The following ABCG8 variants were observed in gnomAD, a reference collection of about 807,000 sequenced individuals.
The protein encoded by ABCG8 is ATP binding cassette subfamily G member 8.
ABCG8 carries 81 observed loss-of-function variants against 71.3 expected under a neutral mutation model. The observed-to-expected ratio is 1.14, with a 90% CI of 0.95 to 1.37. ABCG8 has a LOEUF of 1.37. Ranked by LOEUF, ABCG8 falls within the 40% of genes most tolerant of loss-of-function variation. The probability of loss-of-function intolerance (pLI) is 0.00; values close to 1 mark genes in which losing one functional copy is unlikely to be tolerated. For synonymous variants in ABCG8, 451 were observed against 354.7 expected (o/e 1.27, Z -3.05); for missense variants, 1,119 against 866.2 (o/e 1.29, Z -3.66).
chr2:43,851,816 CA>C lies in ABCG8; in HGVS notation c.559del (p.Arg187GlyfsTer5). ...PRTFSQAQRD[K>X]RVEDVIAELR... Reference sequence around the variant, plus strand: ...GAACCTTCTCCCAGGCCCAGCGTGACAAAAGGGTAACTAACTGGCCCCAGTG... The same window carrying C: ...GAACCTTCTCCCAGGCCCAGCGTGACAAAGGGTAACTAACTGGCCCCAGTG... On this transcript the variant is annotated frameshift_variant, in exon 4 of 13. Coordinates refer to ENST00000272286, the MANE Select transcript of ABCG8 (RefSeq NM_022437.3). LOFTEE classifies it high-confidence loss of function. 6.2e-7 allele frequency: 1 copy of C among 1,614,178 alleles called. No homozygotes were observed. The highest frequency in any genetic ancestry group is 8.5e-7 in the Non-Finnish European group (1 of 1,180,034).
intron 1 of ABCG8, 118 bp downstream of exon 1, chr2:43,839,234 G>C (rs1363767560): frequency 8.9e-7 from 1 of 1,124,868 alleles, no homozygotes; most frequent in Non-Finnish European, 1.3e-6. Flanking sequence ...AGCAGTGTGA[G>C]GACATGGCCG....
intron 6 of ABCG8, among the ~76,000 whole-genome samples, chr2:43,867,589 C>A (rs1669575573): frequency 6.6e-6 from 1 of 152,002 alleles, no homozygotes; most frequent in African/African-American, 2.4e-5. Flanking sequence ...CTGGATAGAG[C>A]TCTCACTGTC....
At chr2:43,874,323 A>G in intron 9 of ABCG8, 84 bp from the exon 10 acceptor site, 1 of 1,168,244 alleles carries the variant, frequency 8.6e-7, no homozygotes. Flanking sequence ...ACTACTTTGA[A>G]TTGTATTAAG....
intron 2 of ABCG8, among the ~76,000 whole-genome samples, chr2:43,845,006 T>G (rs4953022): frequency 0.36 from 54,249 of 151,240 alleles, 11,170 homozygotes; most frequent in East Asian, 0.86. Flanking sequence ...AGTATAATTA[T>G]GAACACTAAG....
At chr2:43,840,346 A>G (rs144187920) in intron 1 of ABCG8, among the ~76,000 whole-genome samples, 2 of 152,346 alleles carry the variant, frequency 1.3e-5, no homozygotes, top group Admixed American at 6.5e-5. Flanking sequence ...TAAAGCCTGA[A>G]TAGAATAGAA....
chr2:43,862,094 A>T (rs1209665970), intron 6 of ABCG8, among the ~76,000 whole-genome samples: 1 of 148,824 alleles, frequency 6.7e-6, no homozygotes, highest in Non-Finnish European at 1.5e-5. Flanking sequence ...CTTGGTAAAA[A>T]TCTCACTATC....
intron 8 of ABCG8, among the ~76,000 whole-genome samples, chr2:43,873,484 G>A (rs143032849): frequency 1.5e-3 from 222 of 152,168 alleles, no homozygotes; most frequent in Admixed American, 4.0e-3. Flanking sequence ...GAGCCACCAC[G>A]CCCAGCCTGT....
chr2:43,854,939 T>C (rs932827807), intron 6 of ABCG8, among the ~76,000 whole-genome samples: 5 of 152,202 alleles, frequency 3.3e-5, no homozygotes, highest in Non-Finnish European at 5.9e-5. Context: ...AGATTGGGTC[T>C]ACAGCCAAGT....
chr2:43,873,750 GCT>G (rs1305403510), intron 8 of ABCG8, 35 bp from the exon 9 acceptor site: 1 of 1,606,716 alleles, frequency 6.2e-7, no homozygotes, highest in Non-Finnish European at 8.5e-7. Flanking sequence ...GCTGGTGTAT[GCT>G]GTTGCCTCAG....
chr2:43,877,783 G>A lies in ABCG8; in HGVS notation c.1892G>A (p.Ser631Asn). 1 of 1,614,138 alleles carries A rather than the reference G, an allele frequency of 6.2e-7. No homozygotes were observed. Among genetic ancestry groups the A allele is most frequent in the Non-Finnish European group, 8.5e-7 (1 of 1,180,032 alleles). ...GCATGTCTGTGTCTCCAGATCCTCAGTGTCATGGAGCTGGACTCGTACCCT... is the reference window on the plus strand; with the variant it reads ...GCATGTCTGTGTCTCCAGATCCTCAATGTCATGGAGCTGGACTCGTACCCT... ...TIAVSGDKILSVMELDSYPLY... is the reference protein window; with the variant it reads ...TIAVSGDKILNVMELDSYPLY... Residue 631 changes from serine to asparagine, a missense_variant, in exon 13 of 13, where the codon AGT becomes AAT. By Grantham distance (46) the Ser-to-Asn change is conservative (BLOSUM62 1). Transcript: ENST00000272286.
At chr2:43,860,438 G>A (rs1669270812) in intron 6 of ABCG8, among the ~76,000 whole-genome samples, 1 of 151,092 alleles carries the variant, frequency 6.6e-6, no homozygotes, top group Non-Finnish European at 1.5e-5. Context: ...TCACTATCTG[G>A]ATAGAATTCT....
In ABCG8 at chr2:43,852,694, C is replaced by T. The variant is rs1174089693; in HGVS notation, c.790C>T (p.Leu264=). 1.2e-6 allele frequency: 2 copies of T among 1,614,172 alleles called. No homozygotes were observed. Among genetic ancestry groups the T allele is most frequent in the Admixed American group, 3.3e-5 (2 of 59,990 alleles). The part of the protein sequence containing the change: ...TLSRLAKGNR[L]VLISLHQPRS... ...GTCCAGGCTGGCCAAAGGCAACCGG[C>T]TGGTGCTCATCTCCCTCCACCAGCC... is the stretch of plus-strand genomic sequence containing the variant. The change falls in exon 6 of 13, where the codon CTG becomes TTG. Residue 264 remains leucine, a synonymous_variant. Transcript: ENST00000272286.
At chr2:43,870,547 ATCTG>A (rs1167583873) in intron 6 of ABCG8, among the ~76,000 whole-genome samples, 2 of 149,744 alleles carry the variant, frequency 1.3e-5, no homozygotes, top group African/African-American at 2.5e-5. Flanking sequence ...AACTCTCACT[ATCTG>A]TCTGGGTAGA....
rs780422381 is a variant in ABCG8 at position 43,852,825 on chromosome 2, C to T, written c.921C>T (p.Ile307=). ...AQHMVQYFTA[I]GYPCPRYSNP... The stretch of plus-strand genomic sequence containing the variant: ...ACATGGTCCAGTATTTCACAGCCAT[C>T]GGCTACCCCTGTCCTCGCTACAGCA... Residue 307 remains isoleucine (I), a synonymous_variant, in exon 6 of 13, where the codon ATC becomes ATT. Transcript: ENST00000272286. 9.9e-6 allele frequency: 16 copies of T among 1,614,176 alleles called. No homozygotes were observed. The highest frequency in any genetic ancestry group is 3.3e-5 in the Admixed American group (2 of 60,036).
At chr2:43,873,722 C>A in intron 8 of ABCG8, 65 bp from the exon 9 acceptor site, 1 of 1,536,960 alleles carries the variant, frequency 6.5e-7, no homozygotes. Context: ...GAGACTGTGA[C>A]ATTCCCAGGG....
intron 1 of ABCG8, among the ~76,000 whole-genome samples, chr2:43,839,440 T>C (rs1393579402): frequency 2.2e-4 from 22 of 101,704 alleles, no homozygotes; most frequent in African/African-American, 7.5e-4. Context: ...TTTTTTTTTT[T>C]TTTTGAGACG....
At chr2:43,845,183 T>C (rs1191911937) in intron 2 of ABCG8, among the ~76,000 whole-genome samples, 4 of 150,864 alleles carry the variant, frequency 2.7e-5, no homozygotes, top group Non-Finnish European at 5.9e-5. Flanking sequence ...GCAAAGACAA[T>C]GACTGACCTT....
At chr2:43,867,742 A>G (rs1669582565) in intron 6 of ABCG8, among the ~76,000 whole-genome samples, 1 of 151,002 alleles carries the variant, frequency 6.6e-6, no homozygotes, top group African/African-American at 2.4e-5. Flanking sequence ...TAGAATTCTC[A>G]CCCTCTGGAT....
chr2:43,840,224 T>C (rs1329251293), intron 1 of ABCG8, among the ~76,000 whole-genome samples: 1 of 152,210 alleles, frequency 6.6e-6, no homozygotes, highest in Non-Finnish European at 1.5e-5. Context: ...TTCCAGGACT[T>C]GACTCGGCCA....
Sources: allele counts gnomAD v4.1 joint callset (sites outside exome capture counted in the v4.1 genomes callset), GRCh38; gene constraint gnomAD v4.1.1; transcripts MANE v1.5; gene names NCBI Gene and HGNC (gene_info 2026-07-23, HGNC 2026-07-21).